The following MCF2L2 variants were observed in gnomAD, a reference collection of about 807,000 sequenced individuals.
MCF2L2 encodes the protein probable guanine nucleotide exchange factor MCF2L2.
A neutral mutation model predicts 150.2 loss-of-function variants in MCF2L2; 102 were observed. The observed-to-expected ratio is 0.68, with a 90% CI of 0.58 to 0.80. MCF2L2 has a LOEUF of 0.80. MCF2L2 is among the 30% of genes least tolerant of loss of function. The pLI is 0.00. For synonymous variants in MCF2L2, 465 were observed against 491.3 expected (o/e 0.95, Z 0.71); for missense variants, 1,256 against 1,372.8 (o/e 0.91, Z 1.34).
chr3:183,364,171 A>G (rs1384689158), intron 3 of MCF2L2, among the ~76,000 whole-genome samples: 1 of 152,186 alleles, frequency 6.6e-6, no homozygotes, highest in African/African-American at 2.4e-5. Flanking sequence ...TTCACTCATA[A>G]ATGAGAGAAA....
chr3:183,421,475 T>C (rs1715878391), intron 1 of MCF2L2, among the ~76,000 whole-genome samples: 1 of 152,206 alleles, frequency 6.6e-6, no homozygotes, highest in Admixed American at 6.5e-5. Context: ...TTTCGTTTTT[T>C]ATAGAGACAA....
intron 14 of MCF2L2, among the ~76,000 whole-genome samples, chr3:183,280,845 C>CAAA (rs201596744): frequency 4.3e-5 from 3 of 69,450 alleles, no homozygotes; most frequent in African/African-American, 1.4e-4. Context: ...GAGTCTCTGT[C>CAAA]AAAAAAAAAA....
chr3:183,280,981 A>AG (rs1310643980), intron 14 of MCF2L2, among the ~76,000 whole-genome samples: 1 of 152,074 alleles, frequency 6.6e-6, no homozygotes, highest in African/African-American at 2.4e-5. Context: ...TTCTGAGGAG[A>AG]GAAAAAAAAG....
intron 1 of MCF2L2, among the ~76,000 whole-genome samples, chr3:183,417,019 G>A (rs1423962267): frequency 6.8e-6 from 1 of 146,804 alleles, no homozygotes; most frequent in East Asian, 2.0e-4. Flanking sequence ...GGCTGAGGCA[G>A]GAGAATCATT....
At chr3:183,401,894 T>C (rs1714774903) in intron 1 of MCF2L2, among the ~76,000 whole-genome samples, 1 of 152,184 alleles carries the variant, frequency 6.6e-6, no homozygotes. Flanking sequence ...TGAATCTTCA[T>C]GTAAAGGCCT....
chr3:183,211,883 G>A (rs2108652067), intron 22 of MCF2L2, among the ~76,000 whole-genome samples: 1 of 152,222 alleles, frequency 6.6e-6, no homozygotes, highest in Admixed American at 6.5e-5. Context: ...GTTGAATAGT[G>A]TTCCCCCAAA....
chr3:183,369,236 C>A (rs1340919188), intron 3 of MCF2L2, among the ~76,000 whole-genome samples: 1 of 152,144 alleles, frequency 6.6e-6, no homozygotes, highest in African/African-American at 2.4e-5. Context: ...CCCTTGCTAA[C>A]CACAATTAGG....
At position 183,205,962 on chromosome 3, in the gene MCF2L2, C is replaced by T; in HGVS notation, c.2806-8G>A. ...GATTTCTTTTGAAGCTGCCTGCAAT[C>T]ACACATAAGAAAACACTATAAGACT... On this transcript the variant is annotated splice_polypyrimidine_tract_variant and splice_region_variant and intron_variant, in intron 24 of 29. Coordinates refer to ENST00000328913, the MANE Select transcript of MCF2L2 (RefSeq NM_015078.4). 1 of 1,612,302 alleles carries T rather than the reference C, an allele frequency of 6.2e-7. No individual in the cohort carries two copies. Among genetic ancestry groups the T allele is most frequent in the Non-Finnish European group, 8.5e-7 (1 of 1,178,362 alleles).
At chr3:183,255,548 G>A (rs1263829721) in intron 15 of MCF2L2, among the ~76,000 whole-genome samples, 1 of 152,188 alleles carries the variant, frequency 6.6e-6, no homozygotes, top group African/African-American at 2.4e-5. Flanking sequence ...GGCCCTGCAA[G>A]GCTCTAAGGT....
chr3:183,367,219 C>T (rs894597489), intron 3 of MCF2L2, among the ~76,000 whole-genome samples: 2 of 150,014 alleles, frequency 1.3e-5, no homozygotes, highest in East Asian at 3.9e-4. Flanking sequence ...TCTTTTCTTT[C>T]TTTCTTTCTT....
chr3:183,398,318 G>C (rs559965440), intron 1 of MCF2L2, among the ~76,000 whole-genome samples: 27 of 152,190 alleles, frequency 1.8e-4, no homozygotes, highest in African/African-American at 6.5e-4. Context: ...CCCTCTCCCA[G>C]GCTGCAAGGT....
At chr3:183,332,939 A>G (rs1355149713) in intron 5 of MCF2L2, among the ~76,000 whole-genome samples, 1 of 152,230 alleles carries the variant, frequency 6.6e-6, no homozygotes, top group Non-Finnish European at 1.5e-5. Flanking sequence ...GATGGAACCA[A>G]AACAAGGAAA....
chr3:183,305,626 G>A lies in MCF2L2; in HGVS notation c.1113+4090C>T, dbSNP rs1729059595. Among the ~76,000 whole-genome samples, 1 of 152,168 alleles carries A rather than the reference G, an allele frequency of 6.6e-6. No homozygotes were observed. Among genetic ancestry groups the A allele is most frequent in the South Asian group, 2.1e-4 (1 of 4,828 alleles). On this transcript the variant is annotated intron_variant, in intron 10 of 29. Coordinates refer to ENST00000328913, the MANE Select transcript of MCF2L2 (RefSeq NM_015078.4). The surrounding 1 kb of genome is among the most constrained non-coding windows in gnomAD (Gnocchi z 4.1). Reference sequence around the variant, plus strand: ...AGCACTTTGGGAAGCCAAGGCCGGCGGATCACAAGGTCAGGAGTTAGAGAC... The same window carrying A: ...AGCACTTTGGGAAGCCAAGGCCGGCAGATCACAAGGTCAGGAGTTAGAGAC...
At chr3:183,239,023 C>G (rs1723882088) in intron 15 of MCF2L2, among the ~76,000 whole-genome samples, 1 of 146,938 alleles carries the variant, frequency 6.8e-6, no homozygotes, top group Non-Finnish European at 1.5e-5. Flanking sequence ...AAAAAAGACT[C>G]TCAAGGATTT....
Position 183,179,336 on chromosome 3 carries a change from T to C in MCF2L2, c.*44A>G. The C allele has an allele frequency of 7.2e-7, 1 of 1,392,370 alleles. No individual in the cohort carries two copies. The highest frequency in any genetic ancestry group is 9.3e-7 in the Non-Finnish European group (1 of 1,076,058). The allele number at this position is 1,392,370 out of a possible 1,614,324, so 86.3% of individuals were successfully genotyped here. ...GCCCCCACACCGCCTCTCCCGGGAA[T>C]GCGGGCGCTCTGGAGCCGAGGAGCG... On this transcript the variant is annotated 3_prime_UTR_variant, in exon 30 of 30. Transcript: ENST00000328913. This position sits in a 1 kb window ranked among gnomAD's most constrained non-coding sequence, Gnocchi z 4.2.
chr3:183,216,580 ATTTTTTTTTTTTTTTTTTT>A (rs1160267005), intron 21 of MCF2L2, among the ~76,000 whole-genome samples: 15 of 3,858 alleles, frequency 3.9e-3, no homozygotes, highest in African/African-American at 5.6e-3. Flanking sequence ...ATATATATAT[ATTTTTTTTTTTTTTTTTTT>A]TTTTTTTTTT....
At chr3:183,233,371 T>C (rs918707667) in intron 15 of MCF2L2, among the ~76,000 whole-genome samples, 1 of 147,268 alleles carries the variant, frequency 6.8e-6, no homozygotes, top group African/African-American at 2.5e-5. Flanking sequence ...AATATATATA[T>C]ACATACATAT....
At position 183,267,408 on chromosome 3, in the gene MCF2L2, G is replaced by A. The variant is rs187046613; in HGVS notation, c.1862+9464C>T. 5.1e-4 allele frequency among the ~76,000 whole-genome samples: 77 copies of A among 152,338 alleles called. No homozygotes were observed. Among genetic ancestry groups the A allele is most frequent in the Admixed American group, 4.5e-3 (69 of 15,306 alleles). ...CCACCCTGATGTGGAGTGATCATGGGGGTGGGAAATATAGCTGGATCCGAA... is the reference window on the plus strand; with the variant it reads ...CCACCCTGATGTGGAGTGATCATGGAGGTGGGAAATATAGCTGGATCCGAA... On this transcript the variant is annotated intron_variant, in intron 15 of 29. Transcript: ENST00000328913. This position sits in a 1 kb window ranked among gnomAD's most constrained non-coding sequence, Gnocchi z 5.5.
intron 10 of MCF2L2, among the ~76,000 whole-genome samples, chr3:183,308,250 TG>T (rs1372369795): frequency 3.9e-5 from 6 of 152,168 alleles, no homozygotes; most frequent in Non-Finnish European, 8.8e-5. Flanking sequence ...AATAACCCTC[TG>T]GATAGGTCAG....
Sources: gnomAD v4.1 joint callset for allele counts (sites outside exome capture counted in the v4.1 genomes callset) on GRCh38, gnomAD v4.1.1 for gene constraint, Gnocchi (gnomAD v3.1) non-coding constraint, MANE v1.5 for transcripts, NCBI Gene and HGNC (gene_info 2026-07-23, HGNC 2026-07-21) for gene names.